The following GADL1 variants were observed in gnomAD, a reference collection of about 807,000 sequenced individuals.
GADL1 encodes the protein GAD like acidic amino acid decarboxylase 1.
A neutral mutation model predicts 69.5 loss-of-function variants in GADL1; 71 were observed. That is an observed-to-expected ratio of 1.02 (90% CI 0.84 to 1.25). The LOEUF (loss-of-function observed/expected upper bound fraction) is 1.25. Ranked by LOEUF, GADL1 falls within the 50% of genes most tolerant of loss-of-function variation. The pLI is 0.00. For synonymous variants in GADL1, 254 were observed against 214.4 expected (o/e 1.18, Z -1.62); for missense variants, 737 against 631.8 (o/e 1.17, Z -1.79).
At position 30,768,551 on chromosome 3, in the gene GADL1, G is replaced by A. The variant is rs1464547259; in HGVS notation, c.1392+9628C>T. On this transcript the variant is annotated intron_variant, in intron 14 of 14. Coordinates refer to ENST00000282538, the MANE Select transcript of GADL1 (RefSeq NM_207359.3). Reference sequence around the variant, plus strand: ...ATGAAATTTTGAGAAGGAGAAGAGGGGGAGAGAGAAGGGGTGGGGAGGGGG... The same window carrying A: ...ATGAAATTTTGAGAAGGAGAAGAGGAGGAGAGAGAAGGGGTGGGGAGGGGG... Among the ~76,000 whole-genome samples the A allele has an allele frequency of 1.5e-5, 2 of 133,622 alleles. 1 individual carries two copies. Among genetic ancestry groups the A allele is most frequent in the South Asian group, 5.2e-4 (2 of 3,860 alleles). The allele number at this position is 133,622 out of a possible 152,430, so 87.7% of individuals were successfully genotyped here. A position where few individuals can be genotyped will look rare whatever the true frequency, so the allele number is the denominator to read the frequency against.
intron 8 of GADL1, among the ~76,000 whole-genome samples, chr3:30,840,066 G>T (rs1697941798): frequency 6.8e-6 from 1 of 146,584 alleles, no homozygotes; most frequent in Non-Finnish European, 1.5e-5. Flanking sequence ...GAGCACCTGA[G>T]AAATAGACAA....
intron 14 of GADL1, among the ~76,000 whole-genome samples, chr3:30,770,899 T>G (rs971508597): frequency 6.6e-6 from 1 of 152,218 alleles, no homozygotes; most frequent in Non-Finnish European, 1.5e-5. Flanking sequence ...TCTGGAGAGT[T>G]CAAGTTACTA....
chr3:30,814,938 T>G (rs575444383), intron 11 of GADL1, among the ~76,000 whole-genome samples: 3 of 151,384 alleles, frequency 2.0e-5, no homozygotes, highest in African/African-American at 7.3e-5. Context: ...CACTCCAGCC[T>G]GGGTGACAGA....
chr3:30,827,053 A>T (rs750904908), intron 11 of GADL1, among the ~76,000 whole-genome samples: 1 of 151,920 alleles, frequency 6.6e-6, no homozygotes, highest in Non-Finnish European at 1.5e-5. Context: ...TCATGCTTTG[A>T]GACTTGAAAG....
chr3:30,772,592 T>C (rs965643015), intron 14 of GADL1, among the ~76,000 whole-genome samples: 5 of 152,106 alleles, frequency 3.3e-5, no homozygotes, highest in Non-Finnish European at 7.4e-5. Context: ...GCAAAGTGTA[T>C]AGGGCTGGGT....
At chr3:30,822,345 A>G (rs1417433448) in intron 11 of GADL1, among the ~76,000 whole-genome samples, 2 of 152,030 alleles carry the variant, frequency 1.3e-5, no homozygotes, top group African/African-American at 4.8e-5. Context: ...GAAAGCTTCT[A>G]AAAACATATA....
chr3:30,800,619 C>CA (rs1395223713), intron 12 of GADL1: 9 of 449,190 alleles, frequency 2.0e-5, no homozygotes, highest in African/African-American at 7.9e-5. Context: ...AAATGAGGGT[C>CA]ATTTGTGCAT....
intron 9 of GADL1, among the ~76,000 whole-genome samples, chr3:30,835,444 C>G (rs1182987312): frequency 3.3e-5 from 5 of 152,036 alleles, no homozygotes; most frequent in African/African-American, 1.2e-4. Flanking sequence ...AATGAAGTAT[C>G]TCCACGATCC....
At chr3:30,875,873 T>A (rs1431089083) in intron 1 of GADL1, among the ~76,000 whole-genome samples, 1 of 151,834 alleles carries the variant, frequency 6.6e-6, no homozygotes, top group Non-Finnish European at 1.5e-5. Context: ...CCTAGAGATA[T>A]CATTCACACA....
At chr3:30,863,057 T>A (rs575329417) in intron 1 of GADL1, among the ~76,000 whole-genome samples, 168 of 148,524 alleles carry the variant, frequency 1.1e-3, no homozygotes, top group Admixed American at 6.3e-3. Flanking sequence ...ACACACACTC[T>A]CTCTCACACT....
chr3:30,839,085 G>A lies in GADL1; in HGVS notation c.815C>T (p.Thr272Ile), dbSNP rs375319785. 47 of 1,602,740 alleles carry A rather than the reference G, an allele frequency of 2.9e-5. No individual in the cohort carries two copies. The highest frequency in any genetic ancestry group is 3.4e-5 in the Non-Finnish European group (40 of 1,174,792). ...EGAAPFLVCA[T>I]SGTTVLGAFD... is the part of the protein sequence containing the mutation. ...AGCTCCCAACACAGTTGTACCAGAA[G>A]TGGCACAGACAAGAAACGGTGCTGC... is the stretch of plus-strand genomic sequence containing the variant. The change falls in exon 9 of 15, where the codon ACT (threonine) becomes ATT (isoleucine). Residue 272 changes from threonine to isoleucine, a missense_variant. Transcript: ENST00000282538.
intron 14 of GADL1, among the ~76,000 whole-genome samples, chr3:30,773,383 C>T (rs543130407): frequency 1.3e-5 from 2 of 151,902 alleles, no homozygotes; most frequent in African/African-American, 4.8e-5. Flanking sequence ...ATCAATTACT[C>T]CACTAAGGTA....
rs149930956 is a variant in GADL1, at chr3:30,792,450, G to A, written c.1251-6044C>T. On this transcript the variant is annotated intron_variant, in intron 12 of 14. Transcript: ENST00000282538. ...TAGCCGGGTGTAGAAGTGTACATCC[G>A]TGGTCCCAGCTACTCAGGAGGCTGA... is the stretch of plus-strand genomic sequence containing the variant. Among the ~76,000 whole-genome samples, 114 of 152,154 alleles carry A rather than the reference G, an allele frequency of 7.5e-4. No individual in the cohort carries two copies. In the Middle Eastern group the frequency reaches 0.01, roughly 14 times the overall value.
chr3:30,848,152 T>G (rs6763945), intron 6 of GADL1, among the ~76,000 whole-genome samples: 8,119 of 152,192 alleles, frequency 0.053, 700 homozygotes, highest in African/African-American at 0.18. Flanking sequence ...GAAACTCTAT[T>G]CAATAACAAT....
At chr3:30,857,296 T>C (rs1393072768) in intron 2 of GADL1, among the ~76,000 whole-genome samples, 155 bp from the exon 3 acceptor site, 1 of 151,966 alleles carries the variant, frequency 6.6e-6, no homozygotes, top group African/African-American at 2.4e-5. Context: ...TACAGTAATG[T>C]AGATGTTGAT....
rs575437283 is a variant in GADL1, at chr3:30,786,832, C to T, written c.1251-426G>A. 4.1e-4 allele frequency among the ~76,000 whole-genome samples: 63 copies of T among 152,250 alleles called. 1 individual carries two copies. The highest frequency in any genetic ancestry group is 1.4e-3 in the African/African-American group (60 of 41,544). On this transcript the variant is annotated intron_variant, in intron 12 of 14. Transcript: ENST00000282538. ...GTGTCTAATCCTGCTTGTAAGTTCA[C>T]TTAAAATCAAGAAAGATCAACATAA...
Position 30,728,430 on chromosome 3 carries a change from A to C in GADL1, c.1393-15T>G. ...GCTGGGGCCACCTGTGTGGGGAGAA[A>C]AGGGGAGAGGGGTGAAAGACCAGAA... On this transcript the variant is annotated splice_polypyrimidine_tract_variant and intron_variant, in intron 14 of 14. Coordinates refer to ENST00000282538, the MANE Select transcript of GADL1 (RefSeq NM_207359.3). 6.2e-6 allele frequency: 10 copies of C among 1,610,814 alleles called. No individual in the cohort carries two copies. The highest frequency in any genetic ancestry group is 8.5e-6 in the Non-Finnish European group (10 of 1,177,662).
intron 14 of GADL1, among the ~76,000 whole-genome samples, chr3:30,757,486 A>G (rs9874763): frequency 0.093 from 14,104 of 152,148 alleles, 1,771 homozygotes; most frequent in African/African-American, 0.29. Flanking sequence ...ATGAGCAGGT[A>G]TATCCTTGCT....
At position 30,888,780 on chromosome 3, in the gene GADL1, G is replaced by A. The variant is rs556934823; in HGVS notation, c.37+5798C>T. On this transcript the variant is annotated intron_variant, in intron 1 of 14. Coordinates refer to ENST00000282538, the MANE Select transcript of GADL1 (RefSeq NM_207359.3). ...AAAATGAAGTAGGGCTTTCCTTTAA[G>A]ACTGAAAAAGAGTTCCCTACATGAA... Among the ~76,000 whole-genome samples the A allele has an allele frequency of 2.2e-4, 33 of 151,952 alleles. No homozygotes were observed. The South Asian group carries it at 6.7e-3, about 31-fold the overall frequency.
Sources: allele counts gnomAD v4.1 joint callset (sites outside exome capture counted in the v4.1 genomes callset), GRCh38; gene constraint gnomAD v4.1.1; transcripts MANE v1.5; gene names NCBI Gene and HGNC (gene_info 2026-07-23, HGNC 2026-07-21).